The following MAML3 variants were observed in gnomAD, a reference collection of about 807,000 sequenced individuals.
MAML3 encodes mastermind-like protein 3.
MAML3 carries 27 observed loss-of-function variants against 101.9 expected under a neutral mutation model. The observed-to-expected ratio is 0.27, with a 90% CI of 0.20 to 0.37. MAML3 has a LOEUF of 0.37. Ranked by LOEUF, MAML3 falls within the 10% of genes least tolerant of loss-of-function variation. The pLI is 1.00. For missense variants in MAML3, 1,316 were observed against 1,444.9 expected (o/e 0.91, Z 1.45); for synonymous variants, 501 against 555.9 (o/e 0.90, Z 1.39).
At chr4:140,048,195 A>C (rs1002234574) in intron 1 of MAML3, among the ~76,000 whole-genome samples, 4 of 152,166 alleles carry the variant, frequency 2.6e-5, no homozygotes, top group African/African-American at 9.7e-5. Context: ...TATTTCAAGA[A>C]TGAAAGGGAA....
At chr4:139,897,233 A>G (rs535222183) in intron 1 of MAML3, among the ~76,000 whole-genome samples, 6 of 152,312 alleles carry the variant, frequency 3.9e-5, no homozygotes, top group East Asian at 3.9e-4. Flanking sequence ...CCTGCTCCCA[A>G]TGATTCTAAA....
intron 1 of MAML3, among the ~76,000 whole-genome samples, chr4:140,071,321 T>G (rs1429844811): frequency 6.6e-6 from 1 of 152,124 alleles, no homozygotes; most frequent in African/African-American, 2.4e-5. Context: ...TCCACCAGCC[T>G]TTTCCTTCTT....
At chr4:140,068,649 C>T (rs1291558128) in intron 1 of MAML3, among the ~76,000 whole-genome samples, 1 of 152,212 alleles carries the variant, frequency 6.6e-6, no homozygotes, top group African/African-American at 2.4e-5. Context: ...CTTTACCTCT[C>T]TAAAATCTGT....
At chr4:139,809,893 C>CACACACAA (rs1338197644) in intron 2 of MAML3, among the ~76,000 whole-genome samples, 2 of 151,900 alleles carry the variant, frequency 1.3e-5, no homozygotes, top group Non-Finnish European at 2.9e-5. Context: ...CACACACACA[C>CACACACAA]ACACACGGAT....
At chr4:139,918,415 G>A (rs931384432) in intron 1 of MAML3, among the ~76,000 whole-genome samples, 1 of 152,088 alleles carries the variant, frequency 6.6e-6, no homozygotes, top group African/African-American at 2.4e-5. Context: ...TTCTCTCCAC[G>A]TGGAACACGC....
intron 2 of MAML3, among the ~76,000 whole-genome samples, chr4:139,804,733 A>G (rs1239733865): frequency 6.6e-6 from 1 of 152,236 alleles, no homozygotes; most frequent in East Asian, 1.9e-4. Context: ...ACACTTAAGT[A>G]GTAGGACACT....
intron 1 of MAML3, among the ~76,000 whole-genome samples, chr4:140,129,748 C>T (rs990289332): frequency 1.2e-4 from 18 of 152,174 alleles, no homozygotes; most frequent in African/African-American, 3.9e-4. Context: ...GGGCGGATCA[C>T]GAGGTCAAGA....
At chr4:139,846,033 T>C (rs975571913) in intron 2 of MAML3, among the ~76,000 whole-genome samples, 6 of 152,196 alleles carry the variant, frequency 3.9e-5, no homozygotes, top group African/African-American at 1.4e-4. Flanking sequence ...CAAGCAGACA[T>C]AGTTATTTGT....
At chr4:140,122,768 G>A (rs1230192356) in intron 1 of MAML3, among the ~76,000 whole-genome samples, 5 of 137,506 alleles carry the variant, frequency 3.6e-5, no homozygotes, top group Non-Finnish European at 7.7e-5. Flanking sequence ...CTCCAGCCTG[G>A]GCGACAGAGC....
intron 2 of MAML3, among the ~76,000 whole-genome samples, chr4:139,865,776 C>T (rs948287224): frequency 2.0e-5 from 3 of 152,244 alleles, no homozygotes; most frequent in African/African-American, 4.8e-5. Context: ...AGAGAGCCTG[C>T]TTGGGTCCTC....
intron 1 of MAML3, among the ~76,000 whole-genome samples, chr4:140,024,538 T>G (rs1305184670): frequency 1.3e-5 from 2 of 152,140 alleles, no homozygotes; most frequent in African/African-American, 4.8e-5. Context: ...TGTGCTGGGA[T>G]TACAGGCATA....
At chr4:139,803,598 G>A (rs923859288) in intron 2 of MAML3, among the ~76,000 whole-genome samples, 6 of 152,164 alleles carry the variant, frequency 3.9e-5, no homozygotes, top group African/African-American at 1.4e-4. Flanking sequence ...CATGTTTGGT[G>A]TATGCAGGGT....
At chr4:139,823,213 A>G (rs562676337) in intron 2 of MAML3, among the ~76,000 whole-genome samples, 1 of 152,334 alleles carries the variant, frequency 6.6e-6, no homozygotes, top group African/African-American at 2.4e-5. Flanking sequence ...CACTGTCAGG[A>G]ATAGATAAGT....
At chr4:139,954,546 G>GAAT (rs2110763958) in intron 1 of MAML3, among the ~76,000 whole-genome samples, 1 of 152,322 alleles carries the variant, frequency 6.6e-6, no homozygotes, top group African/African-American at 2.4e-5. Context: ...AGCCATAAGG[G>GAAT]AAGCCCTGCA....
At chr4:140,004,474 T>C (rs1726408350) in intron 1 of MAML3, among the ~76,000 whole-genome samples, 2 of 152,138 alleles carry the variant, frequency 1.3e-5, no homozygotes, top group South Asian at 4.1e-4. Flanking sequence ...CTTCTGAGCG[T>C]CTACTTCACC....
intron 1 of MAML3, among the ~76,000 whole-genome samples, chr4:140,125,581 T>G (rs375024932): frequency 5.4e-4 from 83 of 152,314 alleles, no homozygotes; most frequent in African/African-American, 1.9e-3. Flanking sequence ...ACTGACCACA[T>G]CACTCCTATG....
At chr4:140,101,521 T>G (rs1232211200) in intron 1 of MAML3, among the ~76,000 whole-genome samples, 1 of 152,210 alleles carries the variant, frequency 6.6e-6, no homozygotes, top group Non-Finnish European at 1.5e-5. Context: ...GTTAATAACT[T>G]CAGGAACAAT....
intron 2 of MAML3, among the ~76,000 whole-genome samples, chr4:139,782,083 T>C (rs538921440): frequency 1.2e-4 from 19 of 152,308 alleles, no homozygotes; most frequent in Admixed American, 7.2e-4. Flanking sequence ...TAGATTTATA[T>C]GCCCATCCCG....
At chr4:139,764,697 G>A (rs1729818581) in intron 2 of MAML3, among the ~76,000 whole-genome samples, 2 of 152,230 alleles carry the variant, frequency 1.3e-5, no homozygotes, top group African/African-American at 4.8e-5. Flanking sequence ...CGCGGGGAAA[G>A]AACAGCAACA....
Sources: gnomAD v4.1 joint callset for allele counts (sites outside exome capture counted in the v4.1 genomes callset) on GRCh38, gnomAD v4.1.1 for gene constraint, MANE v1.5 for transcripts, NCBI Gene and HGNC (gene_info 2026-07-23, HGNC 2026-07-21) for gene names.